The following SLCO1A2 variants were observed in gnomAD, a reference collection of about 807,000 sequenced individuals.
SLCO1A2 encodes OATP-1.
In SLCO1A2, 67 loss-of-function variants were observed where a neutral mutation model predicts 69.0. The ratio of observed to expected loss-of-function variants is 0.97; its 90% CI spans 0.80 to 1.19. The LOEUF (loss-of-function observed/expected upper bound fraction) is 1.19. Ranked by LOEUF, SLCO1A2 falls within the 50% of genes most tolerant of loss-of-function variation. The probability of loss-of-function intolerance (pLI) is 0.00; values close to 1 mark genes in which losing one functional copy is unlikely to be tolerated. For missense variants in SLCO1A2, 787 were observed against 793.7 expected, an observed-to-expected ratio of 0.99 and a Z score of 0.10; for synonymous variants, 260 against 265.9, an observed-to-expected ratio of 0.98 and a Z score of 0.22.
intron 1 of SLCO1A2, among the ~76,000 whole-genome samples, chr12:21,377,138 T>A (rs1940257677): frequency 1.3e-5 from 2 of 152,312 alleles, no homozygotes; most frequent in South Asian, 4.1e-4. Context: ...TTCTTCCAGG[T>A]GGCTAGAAAA....
intron 2 of SLCO1A2, chr12:21,373,583 G>C (rs1939960657): frequency 2.8e-6 from 2 of 707,802 alleles, no homozygotes; most frequent in Non-Finnish European, 5.1e-6. Flanking sequence ...CTTGAATTCT[G>C]TGTTCTTTAA....
At chr12:21,345,665 G>A (rs1225021316) in intron 2 of SLCO1A2, among the ~76,000 whole-genome samples, 1 of 152,016 alleles carries the variant, frequency 6.6e-6, no homozygotes, top group Non-Finnish European at 1.5e-5. Flanking sequence ...TCCATTTTAA[G>A]TCTTGAAAAA....
At position 21,269,232 on chromosome 12, in the gene SLCO1A2, A is replaced by C. The variant is rs1224787137; in HGVS notation, c.*316T>G. The C allele has an allele frequency of 5.7e-6, 1 of 176,908 alleles. No homozygotes were observed. The highest frequency in any genetic ancestry group is 2.4e-5 in the African/African-American group (1 of 42,540). The allele number at this position is 176,908 out of a possible 1,614,324, so 11.0% of individuals were successfully genotyped here. On this transcript the variant is annotated 3_prime_UTR_variant, in exon 15 of 15. Transcript: ENST00000683939. The stretch of plus-strand genomic sequence containing the variant: ...GTTTTCATAACAGAAAATTTTTAGA[A>C]GTATTAGTAGAAGGAGATGTAGGAA...
intron 2 of SLCO1A2, chr12:21,324,543 C>G (rs1464919988): frequency 5.3e-5 from 8 of 152,132 alleles, no homozygotes; most frequent in Admixed American, 5.2e-4. Flanking sequence ...ACAAAAGACT[C>G]TTACTAAACT....
At chr12:21,269,912 T>C (rs1277394643) in intron 14 of SLCO1A2, 145 bp from the exon 15 acceptor site, 1 of 463,732 alleles carries the variant, frequency 2.2e-6, no homozygotes, top group African/African-American at 2.0e-5. Flanking sequence ...TTTGCTAAAC[T>C]CTCTTATTAA....
At chr12:21,356,529 A>C (rs913039794) in intron 2 of SLCO1A2, among the ~76,000 whole-genome samples, 1 of 130,868 alleles carries the variant, frequency 7.6e-6, no homozygotes, top group African/African-American at 2.9e-5. Context: ...GTAAGAAAAA[A>C]ATGAGTCATG....
intron 2 of SLCO1A2, among the ~76,000 whole-genome samples, chr12:21,347,477 C>A (rs960752319): frequency 6.6e-6 from 1 of 152,076 alleles, no homozygotes; most frequent in Admixed American, 6.6e-5. Flanking sequence ...GAAACCCCCT[C>A]TCTACTAAAA....
intron 1 of SLCO1A2, among the ~76,000 whole-genome samples, chr12:21,415,463 G>A (rs1430079025): frequency 6.6e-6 from 1 of 151,890 alleles, no homozygotes; most frequent in Non-Finnish European, 1.5e-5. Flanking sequence ...ACTGTTTTTA[G>A]TAGGAGCTTT....
intron 5 of SLCO1A2, among the ~76,000 whole-genome samples, chr12:21,306,025 G>A (rs1203377722): frequency 6.6e-6 from 1 of 152,194 alleles, no homozygotes; most frequent in Non-Finnish European, 1.5e-5. Flanking sequence ...GAAGCTGAAA[G>A]AAGCACTGCT....
chr12:21,326,470 C>T (rs751483473), intron 2 of SLCO1A2, among the ~76,000 whole-genome samples: 14 of 152,004 alleles, frequency 9.2e-5, no homozygotes, highest in Non-Finnish European at 1.6e-4. Flanking sequence ...TTGAAGGGCT[C>T]GGAAGACAGG....
intron 2 of SLCO1A2, among the ~76,000 whole-genome samples, chr12:21,357,069 T>C (rs541028558): frequency 1.3e-5 from 2 of 152,154 alleles, no homozygotes; most frequent in East Asian, 3.9e-4. Flanking sequence ...AAAGAAAGGA[T>C]AAAAACAAAC....
chr12:21,344,357 T>TA (rs1430121806), intron 2 of SLCO1A2, among the ~76,000 whole-genome samples: 1 of 152,102 alleles, frequency 6.6e-6, no homozygotes, highest in Non-Finnish European at 1.5e-5. Flanking sequence ...AGGCCTAAGT[T>TA]ACAGTAGTTC....
At chr12:21,410,392 T>C (rs923837130) in intron 1 of SLCO1A2, among the ~76,000 whole-genome samples, 1 of 152,190 alleles carries the variant, frequency 6.6e-6, no homozygotes, top group East Asian at 1.9e-4. Context: ...GGAACATTTT[T>C]CTCACTCATT....
chr12:21,313,894 G>A (rs1950526227), intron 4 of SLCO1A2, among the ~76,000 whole-genome samples: 1 of 150,098 alleles, frequency 6.7e-6, no homozygotes, highest in African/African-American at 2.5e-5. Flanking sequence ...AACCTGGGAG[G>A]TGGAGGTTGC....
At chr12:21,369,354 T>G (rs1229088007) in intron 2 of SLCO1A2, among the ~76,000 whole-genome samples, 4 of 152,184 alleles carry the variant, frequency 2.6e-5, no homozygotes, top group Non-Finnish European at 4.4e-5. Flanking sequence ...GGCCTCATGA[T>G]CTCACTGACA....
upstream of SLCO1A2, among the ~76,000 whole-genome samples, chr12:21,418,350 C>A (rs1298138072): frequency 6.6e-6 from 1 of 152,146 alleles, no homozygotes; most frequent in Non-Finnish European, 1.5e-5. Flanking sequence ...AATCAGATTA[C>A]TGAGAACTGC....
At chr12:21,327,673 T>C (rs1952342290) in intron 2 of SLCO1A2, among the ~76,000 whole-genome samples, 1 of 152,022 alleles carries the variant, frequency 6.6e-6, no homozygotes, top group African/African-American at 2.4e-5. Context: ...GCCTCCATCT[T>C]CTTCATTTTG....
exon 1 of SLCO1A2, chr12:21,395,070 G>C (rs1341429045): frequency 6.3e-6 from 1 of 158,740 alleles, no homozygotes; most frequent in Non-Finnish European, 1.4e-5. Context: ...CAGCGTGAGC[G>C]ACGCAGAAGA....
intron 1 of SLCO1A2, chr12:21,403,472 C>A (rs1366341219): frequency 6.6e-6 from 1 of 152,108 alleles, no homozygotes; most frequent in East Asian, 1.9e-4. Context: ...GTAAGACCAA[C>A]AGATTTTTTA....
Sources: gnomAD v4.1 joint callset for allele counts (sites outside exome capture counted in the v4.1 genomes callset) on GRCh38, gnomAD v4.1.1 for gene constraint, MANE v1.5 for transcripts, NCBI Gene and HGNC (gene_info 2026-07-23, HGNC 2026-07-21) for gene names.